EML5: variants seen among roughly 807,000 people sequenced by gnomAD.
EML5 encodes the protein echinoderm microtubule-associated protein-like 5.
Under a neutral mutation model 250.0 loss-of-function variants are expected in EML5, and 120 were observed. That is an observed-to-expected ratio of 0.48 (90% CI 0.41 to 0.56). EML5 has a LOEUF of 0.56. Ranked by LOEUF, EML5 falls within the 20% of genes least tolerant of loss-of-function variation. The pLI is 0.00. For missense variants in EML5, 2,006 were observed against 2,437.6 expected, an observed-to-expected ratio of 0.82 and a Z score of 3.73; for synonymous variants, 771 against 806.5, an observed-to-expected ratio of 0.96 and a Z score of 0.75.
Position 88,704,994 on chromosome 14 carries a change from C to G in EML5, c.1933-16G>C. The G allele has an allele frequency of 6.5e-7, 1 of 1,535,660 alleles. No homozygotes were observed. The highest frequency in any genetic ancestry group is 9.0e-7 in the Non-Finnish European group (1 of 1,115,084). ...CTTTGTAAACCTTTAAAAATGTATA[C>G]AAGTAGAAATATTCTTAGAATATAT... On this transcript the variant is annotated splice_polypyrimidine_tract_variant and intron_variant, in intron 12 of 43. Coordinates refer to ENST00000554922, the MANE Select transcript of EML5 (RefSeq NM_183387.3).
chr14:88,693,221 A>C (rs1483871687), intron 17 of EML5, among the ~76,000 whole-genome samples: 2 of 152,194 alleles, frequency 1.3e-5, no homozygotes, highest in Non-Finnish European at 2.9e-5. Flanking sequence ...GCAAGTATGA[A>C]TACTACTGTA....
intron 3 of EML5, among the ~76,000 whole-genome samples, chr14:88,744,309 C>G (rs1395470620): frequency 6.6e-6 from 1 of 151,906 alleles, no homozygotes; most frequent in Non-Finnish European, 1.5e-5. Flanking sequence ...ACTTCAAACA[C>G]TACTGGAGTA....
intron 7 of EML5, among the ~76,000 whole-genome samples, chr14:88,733,179 AATTT>A: frequency 6.6e-6 from 1 of 152,228 alleles, no homozygotes; most frequent in East Asian, 1.9e-4. Context: ...TTTGGAGCTT[AATTT>A]ATAGCTTTAG....
Position 88,726,639 on chromosome 14 carries a change from A to G in EML5, c.1089T>C (p.Cys363=). ...CACAACGAATTGGTTCTTCCATATT[A>G]CACCTTGCTATTAATGCATGATCTA... is the stretch of plus-strand genomic sequence containing the variant. ...SLVDHALIAR[C]NMEEPIRCAA... Residue 363 remains cysteine, a synonymous_variant, in exon 8 of 44, where the codon TGT becomes TGC. Transcript: ENST00000554922. 6.4e-7 allele frequency: 1 copy of G among 1,565,252 alleles called. No homozygotes were observed. Among genetic ancestry groups the G allele is most frequent in the South Asian group, 1.2e-5 (1 of 85,052 alleles).
At chr14:88,623,471 AGT>A (rs1468314615) in intron 36 of EML5, 3 of 152,042 alleles carry the variant, frequency 2.0e-5, no homozygotes, top group African/African-American at 7.2e-5. Flanking sequence ...CCTGGCCTGG[AGT>A]GCAGTGGTGT....
rs994958664 is a variant in EML5, at chr14:88,613,125, T to A, written c.*2693A>T. The A allele has an allele frequency of 1.1e-4, 17 of 152,286 alleles. No homozygotes were observed. Among genetic ancestry groups the A allele is most frequent in the Non-Finnish European group, 2.2e-4 (15 of 68,040 alleles). The allele number at this position is 152,286 out of a possible 1,614,324, so 9.4% of individuals were successfully genotyped here. The stretch of plus-strand genomic sequence containing the variant: ...GCTTTTCCATTGGGAGAAGAAAGAA[T>A]TAACCAGTCATTAAACCATTTGGTA... On this transcript the variant is annotated 3_prime_UTR_variant, in exon 44 of 44. Coordinates refer to ENST00000554922, the MANE Select transcript of EML5 (RefSeq NM_183387.3).
At chr14:88,770,515 C>T (rs1009768089) in intron 1 of EML5, among the ~76,000 whole-genome samples, 1 of 151,946 alleles carries the variant, frequency 6.6e-6, no homozygotes, top group African/African-American at 2.4e-5. Context: ...AAGATAAGAA[C>T]GTTTCTGAAA....
rs2090891244 is a variant in EML5, at chr14:88,638,830, T to C, written c.4315A>G (p.Ile1439Val). The C allele has an allele frequency of 6.3e-7, 1 of 1,593,684 alleles. No homozygotes were observed. ...TVNQHPKFIN[I>V]VATGQVGDSA... Reference sequence around the variant, plus strand: ...ATACCTACTTGGCCAGTTGCCACTATGTTGATAAATTTGGGGTGCTGGTTT... The same window carrying C: ...ATACCTACTTGGCCAGTTGCCACTACGTTGATAAATTTGGGGTGCTGGTTT... Residue 1439 changes from isoleucine (I) to valine (V), a missense_variant, in exon 32 of 44, where the codon ATA (isoleucine) becomes GTA (valine). By Grantham distance (29) the Ile-to-Val change is conservative. This residue lies in a region of EML5 where 1,375 missense variants were observed against 1,590.3 expected (regional missense o/e 0.86). Coordinates refer to ENST00000554922, the MANE Select transcript of EML5 (RefSeq NM_183387.3).
chr14:88,768,789 CTATT>C (rs1220288223), intron 1 of EML5, among the ~76,000 whole-genome samples: 3 of 152,262 alleles, frequency 2.0e-5, no homozygotes, highest in Admixed American at 6.5e-5. Context: ...GTTATCTTTT[CTATT>C]TATTTATTTA....
intron 28 of EML5, among the ~76,000 whole-genome samples, chr14:88,648,057 T>C (rs2091442109): frequency 6.6e-6 from 1 of 152,156 alleles, no homozygotes; most frequent in South Asian, 2.1e-4. Flanking sequence ...AATTTAGAAT[T>C]TTGCTAGTAA....
intron 41 of EML5, chr14:88,617,927 G>T (rs935333677): frequency 9.6e-6 from 2 of 208,412 alleles, no homozygotes; most frequent in Non-Finnish European, 9.6e-6. Flanking sequence ...TTGCTTAACA[G>T]CACCCAATAC....
In EML5 at chr14:88,620,269, G is replaced by C. The variant is rs1430385277; in HGVS notation, c.5375+485C>G. ...GTAGCCACTGTTGAAAAATGCTTAA[G>C]CACTGAAAAACAAAGGTTTAAGAAA... On this transcript the variant is annotated intron_variant, in intron 39 of 43. Coordinates refer to ENST00000554922, the MANE Select transcript of EML5 (RefSeq NM_183387.3). The surrounding 1 kb of genome is among the most constrained non-coding windows in gnomAD (Gnocchi z 4.3). 2.0e-5 allele frequency: 3 copies of C among 152,380 alleles called. No homozygotes were observed. 9.4% of individuals were successfully genotyped at this position (152,380 alleles called of 1,614,324 possible).
chr14:88,772,412 C>A (rs996206948), intron 1 of EML5, among the ~76,000 whole-genome samples: 2 of 152,138 alleles, frequency 1.3e-5, no homozygotes, highest in African/African-American at 2.4e-5. Flanking sequence ...AGCTTCCTAC[C>A]GAATTAGAAT....
intron 1 of EML5, among the ~76,000 whole-genome samples, chr14:88,759,965 C>T (rs762932105): frequency 6.6e-6 from 1 of 152,142 alleles, no homozygotes; most frequent in Non-Finnish European, 1.5e-5. Context: ...TGACTACTCA[C>T]ATGGACTAAT....
chr14:88,621,543 C>T, intron 37 of EML5: 1 of 534,174 alleles, frequency 1.9e-6, no homozygotes, highest in Non-Finnish European at 3.3e-6. Flanking sequence ...TTTTCTGTGG[C>T]AGTACACCTG....
chr14:88,699,360 T>C (rs1025595811), intron 14 of EML5, among the ~76,000 whole-genome samples: 5 of 151,348 alleles, frequency 3.3e-5, no homozygotes, highest in Admixed American at 3.3e-4. Flanking sequence ...TCAGACTTGG[T>C]TAAATGCCTT....
intron 10 of EML5, among the ~76,000 whole-genome samples, chr14:88,707,637 T>C (rs2093340855): frequency 6.6e-6 from 1 of 152,158 alleles, no homozygotes; most frequent in Non-Finnish European, 1.5e-5. Context: ...ATCTTAGTCA[T>C]TAATTTAAGA....
Position 88,792,219 on chromosome 14 carries a change from G to A in EML5, c.197+88C>T, listed in dbSNP as rs918339042. Reference sequence around the variant, plus strand: ...CCCCTCGGGGTGATGCTCCGTGCAGGAGCGGTCACGGCGTCCAGAGGAACC... The same window carrying A: ...CCCCTCGGGGTGATGCTCCGTGCAGAAGCGGTCACGGCGTCCAGAGGAACC... On this transcript the variant is annotated intron_variant, in intron 1 of 43. Coordinates refer to ENST00000554922, the MANE Select transcript of EML5 (RefSeq NM_183387.3). This position sits in a 1 kb window ranked among gnomAD's most constrained non-coding sequence, Gnocchi z 6.9. 5 of 1,476,558 alleles carry A rather than the reference G, an allele frequency of 3.4e-6. No homozygotes were observed. In the African/African-American group the frequency reaches 7.0e-5, roughly 21 times the overall value. The allele number at this position is 1,476,558 out of a possible 1,614,324, so 91.5% of individuals were successfully genotyped here.
chr14:88,658,059 A>T, intron 26 of EML5, 128 bp downstream of exon 26: 1 of 909,430 alleles, frequency 1.1e-6, no homozygotes. Flanking sequence ...TTTTGATGTT[A>T]AACAGACTAA....
Sources: allele counts gnomAD v4.1 joint callset (sites outside exome capture counted in the v4.1 genomes callset), GRCh38; gene constraint gnomAD v4.1.1; regional missense constraint gnomAD v4.1.1; non-coding constraint Gnocchi (gnomAD v3.1); transcripts MANE v1.5; gene names NCBI Gene and HGNC (gene_info 2026-07-23, HGNC 2026-07-21).